Variants in DOCK4 observed in about 807,000 individuals in gnomAD.
DOCK4 encodes the protein dedicator of cytokinesis 4.
Under a neutral mutation model 268.1 loss-of-function variants are expected in DOCK4, and 97 were observed. The ratio of observed to expected loss-of-function variants is 0.36; its 90% CI spans 0.31 to 0.43. DOCK4 has a LOEUF of 0.43. Among genes scored for constraint, DOCK4 ranks in the 20% least tolerant of loss-of-function variants. DOCK4 has a pLI of 1.00. For synonymous variants in DOCK4, 954 were observed against 887.2 expected, an observed-to-expected ratio of 1.08 and a Z score of -1.34; for missense variants, 2,145 against 2,455.7, an observed-to-expected ratio of 0.87 and a Z score of 2.67.
intron 15 of DOCK4, among the ~76,000 whole-genome samples, chr7:111,897,282 C>A (rs1808833924): frequency 6.6e-6 from 1 of 152,090 alleles, no homozygotes; most frequent in Non-Finnish European, 1.5e-5. Context: ...CACATGTGAT[C>A]AATCCTCTCT....
intron 51 of DOCK4, among the ~76,000 whole-genome samples, chr7:111,734,777 C>A (rs2133386898): frequency 6.6e-6 from 1 of 152,206 alleles, no homozygotes; most frequent in African/African-American, 2.4e-5. Context: ...AGTGGCCTAC[C>A]AAGGTTAGGG....
chr7:112,071,397 C>A (rs1563056714), intron 1 of DOCK4, among the ~76,000 whole-genome samples: 1 of 152,114 alleles, frequency 6.6e-6, no homozygotes, highest in African/African-American at 2.4e-5. Flanking sequence ...TGTTGGAAGA[C>A]CCAATCAATA....
At chr7:111,767,234 T>C (rs1426697386) in intron 37 of DOCK4, 116 bp from the exon 38 acceptor site, 2 of 819,312 alleles carry the variant, frequency 2.4e-6, no homozygotes, top group East Asian at 2.7e-5. Flanking sequence ...AATCTTTTTT[T>C]TTTTTTTTTT....
intron 13 of DOCK4, among the ~76,000 whole-genome samples, chr7:111,912,368 TA>T (rs1483197477): frequency 6.6e-6 from 1 of 152,218 alleles, no homozygotes; most frequent in Non-Finnish European, 1.5e-5. Context: ...GAAATACTAC[TA>T]CTTAGTATGC....
chr7:111,988,076 T>C (rs904281316), intron 6 of DOCK4, among the ~76,000 whole-genome samples: 10 of 152,206 alleles, frequency 6.6e-5, no homozygotes, highest in African/African-American at 2.4e-4. Context: ...CTGCTTCAAA[T>C]TGGTTTTTCC....
At chr7:112,201,289 A>G (rs1439362317) in intron 1 of DOCK4, among the ~76,000 whole-genome samples, 1 of 152,214 alleles carries the variant, frequency 6.6e-6, no homozygotes, top group Non-Finnish European at 1.5e-5. Context: ...GATGAGTTCA[A>G]AAACTCCTTC....
intron 13 of DOCK4, among the ~76,000 whole-genome samples, chr7:111,904,354 A>G (rs1791386764): frequency 6.6e-6 from 1 of 152,216 alleles, no homozygotes; most frequent in South Asian, 2.1e-4. Context: ...TAATAAATAC[A>G]TAAATAAGTA....
In DOCK4 at chr7:111,727,942, A is replaced by G. The variant is rs1307363116; in HGVS notation, c.*332T>C. The G allele has an allele frequency of 4.5e-6, 1 of 220,898 alleles. No individual in the cohort carries two copies. Among genetic ancestry groups the G allele is most frequent in the Non-Finnish European group, 8.7e-6 (1 of 114,502 alleles). 13.7% of individuals were successfully genotyped at this position (220,898 alleles called of 1,614,324 possible). On this transcript the variant is annotated 3_prime_UTR_variant, in exon 53 of 53. Transcript: ENST00000428084. ...TAAAAACGATACAACATTGTCACAC[A>G]TTGTATCGTTTGACAATATCGTATT...
At chr7:112,096,187 T>TA (rs1810118032) in intron 1 of DOCK4, among the ~76,000 whole-genome samples, 1 of 151,586 alleles carries the variant, frequency 6.6e-6, no homozygotes, top group African/African-American at 2.4e-5. Flanking sequence ...AGGGCATTCT[T>TA]TTTTTTTAGA....
Position 111,872,059 on chromosome 7 carries a change from T to G in DOCK4, c.1958A>C (p.Lys653Thr). 1 of 1,550,884 alleles carries G rather than the reference T, an allele frequency of 6.4e-7. No individual in the cohort carries two copies. The change falls in exon 20 of 53, where the codon AAA (lysine) becomes ACA (threonine). Residue 653 changes from lysine (K) to threonine (T), a missense_variant. This residue lies in a region of DOCK4 where 1,598 missense variants were observed against 1,986.7 expected (regional missense o/e 0.80). Coordinates refer to ENST00000428084, the MANE Select transcript of DOCK4 (RefSeq NM_001363540.2). ...VHIINLLQDS[K>T]FHHFKPVMDT... Reference sequence around the variant, plus strand: ...CATTACAGGTTTAAAATGATGAAATTTGCTATCTTGCAGCAAATTTATTAT... The same window carrying G: ...CATTACAGGTTTAAAATGATGAAATGTGCTATCTTGCAGCAAATTTATTAT...
At chr7:112,071,651 G>A (rs769083) in intron 1 of DOCK4, among the ~76,000 whole-genome samples, 4 of 152,004 alleles carry the variant, frequency 2.6e-5, no homozygotes, top group Non-Finnish European at 4.4e-5. Context: ...TCAATCTTCT[G>A]AAAGAAATAC....
chr7:112,063,325 T>A (rs540398364), intron 1 of DOCK4, among the ~76,000 whole-genome samples: 1 of 152,312 alleles, frequency 6.6e-6, no homozygotes, highest in Admixed American at 6.5e-5. Flanking sequence ...ATACAGATGC[T>A]CCTCATTTTA....
chr7:112,018,163 A>C lies in DOCK4; in HGVS notation c.38-14032T>G, dbSNP rs796895169. Reference sequence around the variant, plus strand: ...CAGCTCAAAAAAAAAAAAAAAAAAAAAAAAAAAAAAAAAAAAACACAGGCA... The same window carrying C: ...CAGCTCAAAAAAAAAAAAAAAAAAACAAAAAAAAAAAAAAAAACACAGGCA... On this transcript the variant is annotated intron_variant, in intron 1 of 52. Coordinates refer to ENST00000428084, the MANE Select transcript of DOCK4 (RefSeq NM_001363540.2). Among the ~76,000 whole-genome samples the C allele has an allele frequency of 9.9e-5, 14 of 141,356 alleles. 1 individual carries two copies. The highest frequency in any genetic ancestry group is 7.2e-4 in the Admixed American group (10 of 13,880). The allele number at this position is 141,356 out of a possible 152,430, so 92.7% of individuals were successfully genotyped here.
chr7:112,002,373 T>A (rs972801129), intron 2 of DOCK4, among the ~76,000 whole-genome samples: 3 of 152,190 alleles, frequency 2.0e-5, no homozygotes, highest in Admixed American at 1.3e-4. Context: ...ACAGAAAAAG[T>A]CTTAGATTAC....
At chr7:112,167,334 G>A (rs1817692510) in intron 1 of DOCK4, among the ~76,000 whole-genome samples, 2 of 152,166 alleles carry the variant, frequency 1.3e-5, no homozygotes, top group South Asian at 4.1e-4. Flanking sequence ...AGCTGGCAAA[G>A]CTTCTGGCCT....
chr7:111,839,798 T>G (rs1265741867), intron 25 of DOCK4, among the ~76,000 whole-genome samples: 1 of 152,222 alleles, frequency 6.6e-6, no homozygotes, highest in Non-Finnish European at 1.5e-5. Flanking sequence ...TTTTGCTCTA[T>G]TTCTTAAACT....
chr7:111,759,505 T>A (rs1355468971), intron 40 of DOCK4, among the ~76,000 whole-genome samples: 1 of 152,222 alleles, frequency 6.6e-6, no homozygotes, highest in African/African-American at 2.4e-5. Context: ...TGGTTTCTGC[T>A]TTGAAATGGT....
intron 1 of DOCK4, among the ~76,000 whole-genome samples, chr7:112,167,957 T>G (rs1347590998): frequency 6.6e-6 from 1 of 152,072 alleles, no homozygotes; most frequent in African/African-American, 2.4e-5. Flanking sequence ...CTTGGATATA[T>G]AAATACAGTG....
intron 34 of DOCK4, 109 bp from the exon 35 acceptor site, chr7:111,783,033 AG>A (rs371221852): frequency 9.7e-7 from 1 of 1,032,864 alleles, no homozygotes; most frequent in Non-Finnish European, 1.4e-6. Context: ...AAAAAAAAAA[AG>A]AAGCCACTTT....
Sources: gnomAD v4.1 joint callset for allele counts (sites outside exome capture counted in the v4.1 genomes callset) on GRCh38, gnomAD v4.1.1 for gene constraint, gnomAD v4.1.1 regional missense constraint, MANE v1.5 for transcripts, NCBI Gene and HGNC (gene_info 2026-07-23, HGNC 2026-07-21) for gene names.